Variants in PRKRIP1 observed in about 807,000 individuals in gnomAD.
PRKRIP1 encodes PRKR-interacting protein 1.
A neutral mutation model predicts 29.3 loss-of-function variants in PRKRIP1; 29 were observed. The observed-to-expected ratio is 0.99, with a 90% CI of 0.74 to 1.35. The LOEUF (loss-of-function observed/expected upper bound fraction) is 1.35, where lower values mean the gene tolerates loss of function less well. Ranked by LOEUF, PRKRIP1 falls within the 40% of genes most tolerant of loss-of-function variation. The probability of loss-of-function intolerance (pLI) is 0.00; values close to 1 mark genes in which losing one functional copy is unlikely to be tolerated. For synonymous variants in PRKRIP1, 90 were observed against 85.1 expected (o/e 1.06, Z -0.32); for missense variants, 247 against 236.8 (o/e 1.04, Z -0.28).
chr7:102,397,319 G>T (rs1430006838), intron 1 of PRKRIP1, among the ~76,000 whole-genome samples: 8 of 152,140 alleles, frequency 5.3e-5, no homozygotes, highest in African/African-American at 1.9e-4. Context: ...CAGGCGGGAG[G>T]ATGGTCCGAG....
At position 102,425,238 on chromosome 7, in the gene PRKRIP1, C is replaced by T; in HGVS notation, c.*127C>T. On this transcript the variant is annotated 3_prime_UTR_variant, in exon 6 of 6. Coordinates refer to ENST00000397912, the MANE Select transcript of PRKRIP1 (RefSeq NM_024653.4). ...GCTGGATGGAGAGCAAAGGAGACCC[C>T]TCCCGAGCCGCTCACAGTCCTGTAT... is the stretch of plus-strand genomic sequence containing the variant. The T allele has an allele frequency of 6.6e-7, 1 of 1,515,764 alleles. No individual in the cohort carries two copies. Among genetic ancestry groups the T allele is most frequent in the Non-Finnish European group, 8.8e-7 (1 of 1,137,250 alleles). 93.9% of individuals were successfully genotyped at this position (1,515,764 alleles called of 1,614,324 possible). A position where few individuals can be genotyped will look rare whatever the true frequency, so the allele number is the denominator to read the frequency against.
chr7:102,408,931 T>C (rs1332468100), intron 5 of PRKRIP1, among the ~76,000 whole-genome samples: 5 of 151,632 alleles, frequency 3.3e-5, no homozygotes, highest in Admixed American at 2.6e-4. Flanking sequence ...CCCAGCACTT[T>C]GGGAAGCCAA....
At chr7:102,399,417 A>G in intron 2 of PRKRIP1, 131 bp from the exon 3 acceptor site, 1 of 702,006 alleles carries the variant, frequency 1.4e-6, no homozygotes, top group Non-Finnish European at 2.5e-6. Context: ...AGTTCTGGAT[A>G]CAGTGGGGAG....
intron 5 of PRKRIP1, among the ~76,000 whole-genome samples, chr7:102,424,717 A>G (rs1484295031): frequency 3.9e-5 from 6 of 152,168 alleles, no homozygotes; most frequent in African/African-American, 9.6e-5. Flanking sequence ...CCAAGAGGCA[A>G]CTTGAGCCAT....
rs1478730303 is a variant in PRKRIP1 at position 102,425,248 on chromosome 7, G to A, written c.*137G>A. ...GAGCAAAGGAGACCCCTCCCGAGCC[G>A]CTCACAGTCCTGTATTTGGCAGGTT... is the stretch of plus-strand genomic sequence containing the variant. On this transcript the variant is annotated 3_prime_UTR_variant, in exon 6 of 6. Coordinates refer to ENST00000397912, the MANE Select transcript of PRKRIP1 (RefSeq NM_024653.4). The A allele has an allele frequency of 6.0e-6, 9 of 1,503,252 alleles. No homozygotes were observed. The highest frequency in any genetic ancestry group is 4.2e-5 in the African/African-American group (3 of 71,518). The allele number at this position is 1,503,252 out of a possible 1,614,324, so 93.1% of individuals were successfully genotyped here. A position where few individuals can be genotyped will look rare whatever the true frequency, so the allele number is the denominator to read the frequency against.
intron 5 of PRKRIP1, among the ~76,000 whole-genome samples, chr7:102,420,951 C>T (rs1489667470): frequency 2.0e-5 from 3 of 152,132 alleles, no homozygotes; most frequent in African/African-American, 4.8e-5. Context: ...CACAGGCACA[C>T]GCCTCTCCAG....
intron 2 of PRKRIP1, among the ~76,000 whole-genome samples, chr7:102,399,067 A>G (rs1795997164): frequency 6.6e-6 from 1 of 152,202 alleles, no homozygotes; most frequent in Non-Finnish European, 1.5e-5. Flanking sequence ...GGCTCCAATG[A>G]GCTGTGATTG....
At chr7:102,406,702 G>A (rs1451967584) in intron 4 of PRKRIP1, among the ~76,000 whole-genome samples, 1 of 152,104 alleles carries the variant, frequency 6.6e-6, no homozygotes, top group Non-Finnish European at 1.5e-5. Flanking sequence ...CCCCACCACT[G>A]CACTGTACAT....
chr7:102,419,506 G>A (rs2103229), intron 5 of PRKRIP1, among the ~76,000 whole-genome samples: 11,792 of 152,152 alleles, frequency 0.078, 517 homozygotes, highest in African/African-American at 0.11. Flanking sequence ...CACCACTGCC[G>A]TATCATACAG....
intron 2 of PRKRIP1, among the ~76,000 whole-genome samples, 191 bp downstream of exon 2, chr7:102,397,889 C>A (rs1554570647): frequency 6.6e-6 from 1 of 151,426 alleles, no homozygotes; most frequent in East Asian, 1.9e-4. Flanking sequence ...ACTAAAAATA[C>A]AAAAAAAATT....
At chr7:102,397,018 A>T (rs1043750324) in intron 1 of PRKRIP1, among the ~76,000 whole-genome samples, 1 of 148,152 alleles carries the variant, frequency 6.7e-6, no homozygotes, top group Non-Finnish European at 1.5e-5. Flanking sequence ...GAAAAGCTTG[A>T]CTCTTCTTAT....
intron 2 of PRKRIP1, among the ~76,000 whole-genome samples, chr7:102,399,310 C>T (rs1389126012): frequency 3.3e-5 from 5 of 152,170 alleles, no homozygotes; most frequent in Admixed American, 2.6e-4. Flanking sequence ...GTCTGCCCCT[C>T]CTGATACTGC....
intron 5 of PRKRIP1, among the ~76,000 whole-genome samples, chr7:102,417,940 A>T (rs1399670092): frequency 6.6e-6 from 1 of 151,730 alleles, no homozygotes; most frequent in Non-Finnish European, 1.5e-5. Context: ...TCCTGGTACT[A>T]TAGGATATTC....
At chr7:102,405,258 A>G (rs576493701) in intron 4 of PRKRIP1, among the ~76,000 whole-genome samples, 8 of 152,118 alleles carry the variant, frequency 5.3e-5, no homozygotes, top group Admixed American at 1.3e-4. Context: ...GCTGCAACCA[A>G]ACTTCCCATT....
chr7:102,398,782 C>A (rs1554570811), intron 2 of PRKRIP1, among the ~76,000 whole-genome samples: 3 of 152,078 alleles, frequency 2.0e-5, no homozygotes, highest in African/African-American at 7.2e-5. Flanking sequence ...ACTGCACATA[C>A]AAGTTTTCTT....
intron 5 of PRKRIP1, among the ~76,000 whole-genome samples, chr7:102,409,704 G>A (rs995797697): frequency 2.0e-5 from 3 of 151,816 alleles, no homozygotes; most frequent in Non-Finnish European, 2.9e-5. Flanking sequence ...CACGCCTGTC[G>A]TCCTATCTAG....
rs782465776 is a variant in PRKRIP1 at position 102,396,422 on chromosome 7, C to T, written c.11C>T (p.Pro4Leu). The change falls in exon 1 of 6, where the codon CCA (proline) becomes CTA (leucine). Residue 4 changes from proline (P) to leucine (L), a missense_variant. This residue lies in a region of PRKRIP1 where 105 missense variants were observed against 80.2 expected (regional missense o/e 1.31). Transcript: ENST00000397912. Reference protein sequence around the residue: MASPAASSVRPPRP... With the variant: MASLAASSVRPPRP... ...AACTGGAAGGCTGCCATGGCTAGCC[C>T]AGCCGCCTCCTCGGTGCGACCACCG... is the stretch of plus-strand genomic sequence containing the variant. The T allele has an allele frequency of 5.7e-6, 9 of 1,584,582 alleles. No individual in the cohort carries two copies. Among genetic ancestry groups the T allele is most frequent in the Non-Finnish European group, 7.7e-6 (9 of 1,171,464 alleles).
intron 4 of PRKRIP1, 137 bp downstream of exon 4, chr7:102,404,820 G>A: frequency 3.4e-6 from 2 of 590,428 alleles, no homozygotes; most frequent in Non-Finnish European, 6.0e-6. Context: ...TCTACTACCT[G>A]AGCAGAGAGC....
intron 5 of PRKRIP1, among the ~76,000 whole-genome samples, chr7:102,423,942 G>A (rs898834117): frequency 6.6e-6 from 1 of 152,244 alleles, no homozygotes; most frequent in Admixed American, 6.5e-5. Flanking sequence ...GATTACAGGT[G>A]TGTGCCATTG....
Sources: gnomAD v4.1 joint callset for allele counts (sites outside exome capture counted in the v4.1 genomes callset) on GRCh38, gnomAD v4.1.1 for gene constraint, gnomAD v4.1.1 regional missense constraint, MANE v1.5 for transcripts, NCBI Gene and HGNC (gene_info 2026-07-23, HGNC 2026-07-21) for gene names.